The following PTPRD variants were observed in gnomAD, a reference collection of about 807,000 sequenced individuals.
PTPRD encodes protein tyrosine phosphatase receptor type D.
A neutral mutation model predicts 214.5 loss-of-function variants in PTPRD; 34 were observed. The observed-to-expected ratio is 0.16, with a 90% confidence interval of 0.12 to 0.21. The LOEUF (loss-of-function observed/expected upper bound fraction) is 0.21, where lower values mean the gene tolerates loss of function less well. PTPRD is among the 10% of genes least tolerant of loss of function. The pLI, the probability that PTPRD is intolerant of heterozygous loss-of-function variation, is 1.00. For missense variants in PTPRD, 2,545 were observed against 2,398.7 expected (o/e 1.06, Z -1.27); for synonymous variants, 1,128 against 845.7 (o/e 1.33, Z -5.79).
At chr9:9,492,503 C>T (rs555724390) in intron 8 of PTPRD, among the ~76,000 whole-genome samples, 1 of 152,192 alleles carries the variant, frequency 6.6e-6, no homozygotes, top group South Asian at 2.1e-4. Flanking sequence ...AATGGTACAA[C>T]ATATGACAGC....
rs1201774600 is a variant in PTPRD, at chr9:8,319,851, G to A, written c.5650C>T (p.Pro1884Ser). The change falls in exon 45 of 46, where the codon CCA becomes TCA. Residue 1884 changes from proline to serine, a missense_variant. By Grantham distance (74) the Pro-to-Ser change is moderately conservative. Coordinates refer to ENST00000381196, the MANE Select transcript of PTPRD (RefSeq NM_002839.4). ...QTVKMLRTQRPAMVQTEDQYQ... is the reference protein window; with the variant it reads ...QTVKMLRTQRSAMVQTEDQYQ... The stretch of plus-strand genomic sequence containing the variant: ...CTCACCTCTGTCTGTACCATAGCTG[G>A]TCGTTGTGTTCTTAACATTTTGACA... 2.5e-6 allele frequency: 4 copies of A among 1,612,872 alleles called. No homozygotes were observed. The highest frequency in any genetic ancestry group is 1.3e-5 in the African/African-American group (1 of 74,786).
chr9:9,818,731 C>A (rs2049634583), intron 5 of PTPRD, among the ~76,000 whole-genome samples: 1 of 151,916 alleles, frequency 6.6e-6, no homozygotes, highest in African/African-American at 2.4e-5. Context: ...CCCTGGCTGA[C>A]ATGGTGAAAT....
chr9:9,855,550 G>A (rs1177915214), intron 5 of PTPRD, among the ~76,000 whole-genome samples: 1 of 152,198 alleles, frequency 6.6e-6, no homozygotes, highest in South Asian at 2.1e-4. Context: ...GAATTGTGAG[G>A]GTGCCTCATT....
At position 10,016,444 on chromosome 9, in the gene PTPRD, T is replaced by C. The variant is rs140180918; in HGVS notation, c.-472+17274A>G. Among the ~76,000 whole-genome samples, 1,452 of 152,038 alleles carry C rather than the reference T, an allele frequency of 9.6e-3. 19 individuals carry two copies. Among genetic ancestry groups the C allele is most frequent in the African/African-American group, 0.033 (1,365 of 41,456 alleles). On this transcript the variant is annotated intron_variant, in intron 4 of 45. Transcript: ENST00000381196. ...TCTTATTTCAGTATGCCAAGAAATA[T>C]AGATAAAATGATGGTGTCTGTAAAT...
At chr9:10,610,869 A>G (rs1307332896) in intron 2 of PTPRD, among the ~76,000 whole-genome samples, 1 of 152,156 alleles carries the variant, frequency 6.6e-6, no homozygotes, top group African/African-American at 2.4e-5. Context: ...AAACAACTCT[A>G]AAACATCTCT....
intron 5 of PTPRD, among the ~76,000 whole-genome samples, chr9:9,864,345 T>G (rs1183697716): frequency 6.1e-5 from 9 of 148,644 alleles, no homozygotes; most frequent in African/African-American, 2.3e-4. Context: ...AAAAAAAAGT[T>G]TTGTGGGATA....
At chr9:10,342,850 C>A in intron 2 of PTPRD, among the ~76,000 whole-genome samples, 1 of 152,028 alleles carries the variant, frequency 6.6e-6, no homozygotes, top group Non-Finnish European at 1.5e-5. Context: ...CAGCATATGT[C>A]CATCCAGAGA....
chr9:9,961,060 ATGCTCATCATCACTGGACACCAT>A (rs748229431), intron 4 of PTPRD, among the ~76,000 whole-genome samples: 109 of 87,394 alleles, frequency 1.2e-3, no homozygotes, highest in Non-Finnish European at 2.5e-3. Flanking sequence ...ACATGAAAAA[ATGCTCATCATCACTGGACACCAT>A]ATCTCCTTTC....
At chr9:9,531,587 T>C (rs896596975) in intron 8 of PTPRD, among the ~76,000 whole-genome samples, 7 of 152,168 alleles carry the variant, frequency 4.6e-5, no homozygotes, top group African/African-American at 9.7e-5. Flanking sequence ...TTCTAGCATG[T>C]ATCGGTATCT....
chr9:9,296,743 T>A (rs544874069), intron 9 of PTPRD, among the ~76,000 whole-genome samples: 4 of 151,796 alleles, frequency 2.6e-5, no homozygotes, highest in South Asian at 4.1e-4. Flanking sequence ...AAATAAGAAG[T>A]TTTTTGTGTT....
intron 6 of PTPRD, among the ~76,000 whole-genome samples, chr9:9,735,449 C>T (rs138239977): frequency 6.4e-4 from 98 of 152,124 alleles, no homozygotes; most frequent in African/African-American, 2.2e-3. Context: ...ATGGAGAACA[C>T]GGTAAGTGTG....
intron 42 of PTPRD, 47 bp from the exon 43 acceptor site, chr9:8,339,094 C>T (rs2132246179): frequency 6.4e-7 from 1 of 1,555,080 alleles, no homozygotes; most frequent in Non-Finnish European, 8.8e-7. Context: ...GTATAAAGAA[C>T]ATTCTGTATA....
intron 2 of PTPRD, among the ~76,000 whole-genome samples, chr9:10,479,658 T>TAAATAAATAAATAAATAAAC (rs141946645): frequency 1.7e-4 from 25 of 145,812 alleles, no homozygotes; most frequent in African/African-American, 5.7e-4. Flanking sequence ...AATAAATAAA[T>TAAATAAATAAATAAATAAAC]AAACAAAAAT....
At chr9:8,543,974 T>A (rs1223898375) in intron 14 of PTPRD, among the ~76,000 whole-genome samples, 3 of 152,036 alleles carry the variant, frequency 2.0e-5, no homozygotes, top group Non-Finnish European at 4.4e-5. Context: ...CCTCCCAAAA[T>A]GTTGAGGTTA....
At chr9:10,408,356 A>G (rs1350984050) in intron 2 of PTPRD, among the ~76,000 whole-genome samples, 1 of 151,588 alleles carries the variant, frequency 6.6e-6, no homozygotes, top group Non-Finnish European at 1.5e-5. Flanking sequence ...ATGTAATGCT[A>G]TAATCTTTCA....
intron 11 of PTPRD, among the ~76,000 whole-genome samples, chr9:8,936,870 A>G (rs1159111016): frequency 6.6e-6 from 1 of 152,226 alleles, no homozygotes; most frequent in Non-Finnish European, 1.5e-5. Context: ...TGAGATTTAC[A>G]TGAATCAAAT....
intron 5 of PTPRD, among the ~76,000 whole-genome samples, chr9:9,859,240 G>T (rs768526896): frequency 1.2e-4 from 18 of 152,144 alleles, no homozygotes; most frequent in Non-Finnish European, 2.2e-4. Flanking sequence ...AGAAGTTAAT[G>T]AAACTTCTTT....
intron 9 of PTPRD, among the ~76,000 whole-genome samples, chr9:9,357,292 T>C (rs1368820011): frequency 6.6e-6 from 1 of 151,350 alleles, no homozygotes; most frequent in African/African-American, 2.4e-5. Context: ...CAAATATTCT[T>C]CTTCTGTTGA....
chr9:10,316,262 TTCCC>T (rs2096428496), intron 3 of PTPRD, among the ~76,000 whole-genome samples: 4 of 151,198 alleles, frequency 2.6e-5, no homozygotes, highest in Non-Finnish European at 5.9e-5. Flanking sequence ...AAGTATACTA[TTCCC>T]AATAATTTAA....
Sources: allele counts gnomAD v4.1 joint callset (sites outside exome capture counted in the v4.1 genomes callset), GRCh38; gene constraint gnomAD v4.1.1; transcripts MANE v1.5; gene names NCBI Gene and HGNC (gene_info 2026-07-23, HGNC 2026-07-21).